Variants in FAT3 observed in about 807,000 individuals in gnomAD.
FAT3 encodes FAT atypical cadherin 3, also known as protocadherin Fat 3.
FAT3 carries 95 observed loss-of-function variants against 310.2 expected under a neutral mutation model. The observed-to-expected ratio is 0.31, with a 90% CI of 0.26 to 0.36. FAT3 has a LOEUF of 0.36. Among genes scored for constraint, FAT3 ranks in the 10% least tolerant of loss-of-function variants. FAT3 has a pLI of 1.00. For synonymous variants in FAT3, 2,314 were observed against 2,192.9 expected, an observed-to-expected ratio of 1.06 and a Z score of -1.54; for missense variants, 5,408 against 5,715.6, an observed-to-expected ratio of 0.95 and a Z score of 1.74.
chr11:92,772,180 G>A (rs1591712240), intron 6 of FAT3, among the ~76,000 whole-genome samples: 1 of 152,028 alleles, frequency 6.6e-6, no homozygotes, highest in African/African-American at 2.4e-5. Context: ...TAACATTTTG[G>A]TAAAGAAAAC....
chr11:92,459,311 T>C (rs1336505357), intron 2 of FAT3, among the ~76,000 whole-genome samples: 2 of 152,146 alleles, frequency 1.3e-5, no homozygotes, highest in Non-Finnish European at 2.9e-5. Context: ...TGCGGGGAGT[T>C]CCAGTTGGCC....
chr11:92,801,469 A>G lies in FAT3; in HGVS notation c.8456A>G (p.Tyr2819Cys), dbSNP rs774072594. 14 of 1,613,640 alleles carry G rather than the reference A, an allele frequency of 8.7e-6. No homozygotes were observed. Among genetic ancestry groups the G allele is most frequent in the Non-Finnish European group, 1.1e-5 (13 of 1,179,798 alleles). The change falls in exon 10 of 28, where the codon TAT becomes TGT. Residue 2819 changes from tyrosine (Y) to cysteine (C), a missense_variant. Coordinates refer to ENST00000525166, the MANE Select transcript of FAT3 (RefSeq NM_001367949.2). ...DNKPVFETSS[Y>C]DTIIMEGMPV... ...AAGCCAGTCTTTGAAACTTCAAGCT[A>G]TGACACCATTATAATGGAAGGGATG...
rs570941202 is a variant in FAT3 at position 92,303,271 on chromosome 11, C to A, written c.-17-48825C>A. Reference sequence around the variant, plus strand: ...TAAATTTGGAGGTACCATTTAGGATCGCTTTATTGGCACTAGTTTTTAAAT... The same window carrying A: ...TAAATTTGGAGGTACCATTTAGGATAGCTTTATTGGCACTAGTTTTTAAAT... On this transcript the variant is annotated intron_variant, in intron 1 of 27. Coordinates refer to ENST00000525166, the MANE Select transcript of FAT3 (RefSeq NM_001367949.2). Among the ~76,000 whole-genome samples, 82 of 152,178 alleles carry A rather than the reference C, an allele frequency of 5.4e-4. 2 individuals are homozygous for A. In the South Asian group the frequency reaches 0.016, roughly 29 times the overall value.
intron 3 of FAT3, among the ~76,000 whole-genome samples, chr11:92,533,731 A>G (rs1430854549): frequency 6.6e-6 from 1 of 152,054 alleles, no homozygotes; most frequent in Admixed American, 6.6e-5. Flanking sequence ...TCATTCTAGG[A>G]GGAGAATTGT....
At chr11:92,810,741 AG>A (rs1947647341) in intron 13 of FAT3, among the ~76,000 whole-genome samples, 1 of 152,150 alleles carries the variant, frequency 6.6e-6, no homozygotes, top group African/African-American at 2.4e-5. Flanking sequence ...GAGTTAGAAA[AG>A]ACTGGAGTTA....
chr11:92,831,398 T>C (rs1324337095), intron 13 of FAT3, among the ~76,000 whole-genome samples: 2 of 152,238 alleles, frequency 1.3e-5, no homozygotes, highest in East Asian at 3.8e-4. Flanking sequence ...CAACTATTTC[T>C]GATATTTGTT....
chr11:92,599,803 A>G (rs901182368), intron 3 of FAT3, among the ~76,000 whole-genome samples: 2 of 152,192 alleles, frequency 1.3e-5, no homozygotes, highest in Non-Finnish European at 2.9e-5. Context: ...TGTCTAGACA[A>G]CCAAAATGTA....
At chr11:92,557,135 A>G (rs907764584) in intron 3 of FAT3, among the ~76,000 whole-genome samples, 1 of 151,864 alleles carries the variant, frequency 6.6e-6, no homozygotes, top group Non-Finnish European at 1.5e-5. Context: ...ACTTTCCTGT[A>G]CAGCCCCTCC....
At chr11:92,239,412 A>C (rs1212071938) in intron 1 of FAT3, among the ~76,000 whole-genome samples, 1 of 152,156 alleles carries the variant, frequency 6.6e-6, no homozygotes, top group African/African-American at 2.4e-5. Flanking sequence ...CCTAGGAAGC[A>C]GAAAGCAAAT....
intron 4 of FAT3, among the ~76,000 whole-genome samples, chr11:92,705,583 G>A (rs1591629823): frequency 3.4e-5 from 1 of 29,588 alleles, no homozygotes; most frequent in Non-Finnish European, 6.3e-5. Context: ...TGGTGATGGT[G>A]GTGGTGTGAT....
At chr11:92,592,993 A>G (rs775018047) in intron 3 of FAT3, among the ~76,000 whole-genome samples, 39 of 152,202 alleles carry the variant, frequency 2.6e-4, no homozygotes, top group Non-Finnish European at 3.8e-4. Flanking sequence ...GCCCCTGACA[A>G]CTTTCTTTTT....
chr11:92,688,589 C>T lies in FAT3; in HGVS notation c.3608-8795C>T, dbSNP rs888561295. On this transcript the variant is annotated intron_variant, in intron 3 of 27. Transcript: ENST00000525166. ...ATAATCTCTGGGTGTGGGACCCTGA[C>T]GTGAGTATTTTTTAAAACTCCCCAG... 5.3e-5 allele frequency among the ~76,000 whole-genome samples: 8 copies of T among 152,096 alleles called. No individual in the cohort carries two copies. The East Asian group carries it at 5.8e-4, about 11-fold the overall frequency.
intron 3 of FAT3, among the ~76,000 whole-genome samples, chr11:92,655,425 G>A (rs1474848352): frequency 6.6e-6 from 1 of 152,166 alleles, no homozygotes; most frequent in Non-Finnish European, 1.5e-5. Flanking sequence ...TGGGACCATG[G>A]ACAAATCACT....
intron 15 of FAT3, among the ~76,000 whole-genome samples, chr11:92,835,952 T>C (rs1276103287): frequency 6.6e-6 from 1 of 152,104 alleles, no homozygotes; most frequent in East Asian, 1.9e-4. Flanking sequence ...GCAGGTCCCT[T>C]CCATCCAAGT....
chr11:92,825,546 C>T (rs543359563), intron 13 of FAT3, among the ~76,000 whole-genome samples: 1 of 152,180 alleles, frequency 6.6e-6, no homozygotes, highest in East Asian at 1.9e-4. Flanking sequence ...AGCACAAATG[C>T]AGACCAGGGA....
intron 19 of FAT3, among the ~76,000 whole-genome samples, chr11:92,852,977 C>T (rs1948871452): frequency 6.6e-6 from 1 of 152,182 alleles, no homozygotes; most frequent in Admixed American, 6.5e-5. Context: ...TGTTGCTTCT[C>T]CAGCTGAAAA....
chr11:92,426,956 T>C (rs1950648257), intron 2 of FAT3, among the ~76,000 whole-genome samples: 1 of 152,198 alleles, frequency 6.6e-6, no homozygotes, highest in Non-Finnish European at 1.5e-5. Context: ...AACCTATAAA[T>C]CACTTTGGGT....
chr11:92,654,830 C>T (rs541840854), intron 3 of FAT3, among the ~76,000 whole-genome samples: 1 of 152,260 alleles, frequency 6.6e-6, no homozygotes, highest in East Asian at 1.9e-4. Flanking sequence ...ATATCAGTTC[C>T]TTATTTATCA....
chr11:92,387,114 C>T (rs1342592123), intron 2 of FAT3, among the ~76,000 whole-genome samples: 1 of 133,926 alleles, frequency 7.5e-6, no homozygotes, highest in Non-Finnish European at 1.6e-5. Flanking sequence ...GTGTGTGTAA[C>T]AGAGGGAAGG....
Sources: gnomAD v4.1 joint callset for allele counts (sites outside exome capture counted in the v4.1 genomes callset) on GRCh38, gnomAD v4.1.1 for gene constraint, MANE v1.5 for transcripts, NCBI Gene and HGNC (gene_info 2026-07-23, HGNC 2026-07-21) for gene names.